The following LRIF1 variants were observed in gnomAD, a reference collection of about 807,000 sequenced individuals.
LRIF1 encodes the protein ligand dependent nuclear receptor interacting factor 1.
LRIF1 carries 32 observed loss-of-function variants against 52.7 expected under a neutral mutation model. That is an observed-to-expected ratio of 0.61 (90% confidence interval 0.46 to 0.82). The LOEUF is 0.82. Among genes scored for constraint, LRIF1 ranks in the 40% least tolerant of loss-of-function variants. LRIF1 has a pLI of 0.00. For missense variants in LRIF1, 887 were observed against 892.0 expected (o/e 0.99, Z 0.07); for synonymous variants, 323 against 317.4 (o/e 1.02, Z -0.19).
downstream of LRIF1, among the ~76,000 whole-genome samples, chr1:110,946,504 T>C (rs993036722): frequency 3.3e-5 from 5 of 152,208 alleles, no homozygotes; most frequent in African/African-American, 1.2e-4. Flanking sequence ...ACATGAATTA[T>C]ATTGCAAAAC....
At position 110,952,673 on chromosome 1, in the gene LRIF1, T is replaced by C. The variant is rs374234851; in HGVS notation, c.211A>G (p.Asn71Asp). 2.5e-6 allele frequency: 4 copies of C among 1,614,000 alleles called. No homozygotes were observed. In the African/African-American group the frequency reaches 5.3e-5, roughly 22 times the overall value. Residue 71 changes from asparagine (N) to aspartate (D), a missense_variant, in exon 2 of 4, where the codon AAT (asparagine) becomes GAT (aspartate). Asn to Asp is a conservative substitution (Grantham distance 23). Transcript: ENST00000369763. ...GTAACTTGAACTGGTTTTCCTGTAT[T>C]CCCTTTCAAAGCATCAGACATGACT... The part of the protein sequence containing the change: ...SSVMSDALKG[N>D]TGKPVQVTFQ...
At chr1:110,900,386 A>G in the LRIF1 span, among the ~76,000 whole-genome samples, 4 of 152,158 alleles carry the variant, frequency 2.6e-5, no homozygotes, top group African/African-American at 9.7e-5. Flanking sequence ...TGTTGTTTTG[A>G]GATGGAGACT....
the LRIF1 span, chr1:110,941,673 T>C: frequency 6.6e-6 from 1 of 152,136 alleles, no homozygotes; most frequent in Non-Finnish European, 1.5e-5. Context: ...TTTGTTAGTA[T>C]TTGTATTCCA....
chr1:110,879,180 C>G, the LRIF1 span, among the ~76,000 whole-genome samples: 1 of 152,230 alleles, frequency 6.6e-6, no homozygotes, highest in East Asian at 1.9e-4. Flanking sequence ...TAGGTAAGGT[C>G]TGAACTTGAT....
At chr1:110,952,922 ATTTT>A (rs973328405) in intron 1 of LRIF1, 107 bp from the exon 2 acceptor site, 13 of 649,986 alleles carry the variant, frequency 2.0e-5, no homozygotes, top group Non-Finnish European at 2.3e-5. Flanking sequence ...AAAGTATATA[ATTTT>A]CCATTTTGAG....
rs755402770 is a variant in LRIF1, at chr1:110,951,855, A to G, written c.1029T>C (p.Ser343=). 2.2e-5 allele frequency: 35 copies of G among 1,613,488 alleles called. 1 individual carries two copies. The East Asian group carries it at 6.9e-4, about 32-fold the overall frequency. The change falls in exon 2 of 4, where the codon AGT becomes AGC. Residue 343 remains serine, a synonymous_variant. Transcript: ENST00000369763. ...NMPPLSTIDP[S]GTRSKNMPIK... Reference sequence around the variant, plus strand: ...TAGGCATATTTTTGGATCGCGTCCCACTAGGATCGATGGTACTCAATGGTG... The same window carrying G: ...TAGGCATATTTTTGGATCGCGTCCCGCTAGGATCGATGGTACTCAATGGTG...
At chr1:110,932,187 C>T in the LRIF1 span, among the ~76,000 whole-genome samples, 1 of 152,186 alleles carries the variant, frequency 6.6e-6, no homozygotes, top group East Asian at 1.9e-4. Context: ...GATCCAGTTT[C>T]AGCTTTCTAC....
chr1:110,950,764 T>C (rs1658435892), intron 2 of LRIF1, among the ~76,000 whole-genome samples: 1 of 151,654 alleles, frequency 6.6e-6, no homozygotes, highest in African/African-American at 2.4e-5. Flanking sequence ...GCTGATAAAA[T>C]CTTATTTCCA....
the LRIF1 span, among the ~76,000 whole-genome samples, chr1:110,903,301 G>A: frequency 1.3e-5 from 2 of 152,224 alleles, no homozygotes; most frequent in African/African-American, 4.8e-5. Flanking sequence ...GGGTGGCTAA[G>A]AGAGTGCTGG....
At chr1:110,949,420 GTTC>G (rs1658363082) in intron 3 of LRIF1, among the ~76,000 whole-genome samples, 1 of 144,382 alleles carries the variant, frequency 6.9e-6, no homozygotes, top group South Asian at 2.2e-4. Context: ...ACCTGGCCTG[GTTC>G]TTTTTTTTTT....
At chr1:110,903,012 G>A in the LRIF1 span, among the ~76,000 whole-genome samples, 3 of 152,296 alleles carry the variant, frequency 2.0e-5, no homozygotes, top group Non-Finnish European at 4.4e-5. Context: ...GTACCATCCC[G>A]TTAGAGCAGA....
In LRIF1 at chr1:110,950,129, A is replaced by G; in HGVS notation, c.1597-6T>C. ...GATGCCATCTCATTATGGATCTGGA[A>G]TTAGGAAAAGAAAACACACAAACAA... On this transcript the variant is annotated splice_polypyrimidine_tract_variant and splice_region_variant and intron_variant, in intron 2 of 3. Coordinates refer to ENST00000369763, the MANE Select transcript of LRIF1 (RefSeq NM_018372.4). 1 of 1,599,568 alleles carries G rather than the reference A, an allele frequency of 6.3e-7. No homozygotes were observed. The highest frequency in any genetic ancestry group is 1.1e-5 in the South Asian group (1 of 89,302).
intron 1 of LRIF1, among the ~76,000 whole-genome samples, chr1:110,959,343 G>C (rs1658851185): frequency 2.0e-5 from 3 of 152,194 alleles, no homozygotes; most frequent in Admixed American, 2.0e-4. Flanking sequence ...GGAAAATAAA[G>C]CTTACTAGGA....
Position 110,951,437 on chromosome 1 carries a change from T to G in LRIF1, c.1447A>C (p.Ser483Arg), listed in dbSNP as rs1286583394. 3.1e-6 allele frequency: 5 copies of G among 1,614,056 alleles called. No homozygotes were observed. Among genetic ancestry groups the G allele is most frequent in the Admixed American group, 1.7e-5 (1 of 60,008 alleles). ...TTTCTGGGGGCATTGTGTCCTGTAC[T>G]AAATCCAACTGGAAAGATTGGATTT... ...FTNPIFPVGFSTGHNAPRKVT... is the reference protein window; with the variant it reads ...FTNPIFPVGFRTGHNAPRKVT... Residue 483 changes from serine to arginine, a missense_variant, in exon 2 of 4, where the codon AGT (serine) becomes CGT (arginine). Coordinates refer to ENST00000369763, the MANE Select transcript of LRIF1 (RefSeq NM_018372.4).
intron 1 of LRIF1, among the ~76,000 whole-genome samples, chr1:110,955,364 A>C (rs1658653580): frequency 6.6e-6 from 1 of 152,210 alleles, no homozygotes. Flanking sequence ...TTAGAATACT[A>C]CAATAGCTTC....
chr1:110,959,308 T>G (rs1658850387), intron 1 of LRIF1, among the ~76,000 whole-genome samples: 1 of 152,232 alleles, frequency 6.6e-6, no homozygotes, highest in Non-Finnish European at 1.5e-5. Flanking sequence ...CCTCTTTGAA[T>G]CTGTTTCTTC....
the LRIF1 span, among the ~76,000 whole-genome samples, chr1:110,922,992 G>T: frequency 6.6e-6 from 1 of 152,080 alleles, no homozygotes; most frequent in African/African-American, 2.4e-5. Context: ...GATAATCCAG[G>T]ATAACTTCCA....
At chr1:110,907,026 C>T in the LRIF1 span, among the ~76,000 whole-genome samples, 9 of 152,116 alleles carry the variant, frequency 5.9e-5, no homozygotes, top group Non-Finnish European at 1.5e-5. Flanking sequence ...CTTAAAGAGG[C>T]CCCATGCTGA....
the LRIF1 span, among the ~76,000 whole-genome samples, chr1:110,921,337 T>C: frequency 1.3e-5 from 2 of 152,010 alleles, no homozygotes; most frequent in South Asian, 2.1e-4. Context: ...GGAAAACATA[T>C]TCAGTCAAAA....
Sources: allele counts gnomAD v4.1 joint callset (sites outside exome capture counted in the v4.1 genomes callset), GRCh38; gene constraint gnomAD v4.1.1; transcripts MANE v1.5; gene names NCBI Gene and HGNC (gene_info 2026-07-23, HGNC 2026-07-21).